The following DNAH12 variants were observed in gnomAD, a reference collection of about 807,000 sequenced individuals.
DNAH12 encodes the protein dynein axonemal heavy chain 12.
A neutral mutation model predicts 371.5 loss-of-function variants in DNAH12; 285 were observed. The observed-to-expected ratio is 0.77, with a 90% confidence interval of 0.70 to 0.85. The LOEUF is 0.85. DNAH12 is among the 40% of genes least tolerant of loss of function. DNAH12 has a pLI of 0.00. For missense variants in DNAH12, 3,611 were observed against 3,689.4 expected (o/e 0.98, Z 0.55); for synonymous variants, 1,200 against 1,213.0 (o/e 0.99, Z 0.22).
Position 57,508,536 on chromosome 3 carries a change from G to T in DNAH12, c.547C>A (p.Leu183Ile), listed in dbSNP as rs79825658. ...GAATGCCAAGGATTAGAATAATCTA[G>T]GCCTCTGGAAAAGCAAAACACCATA... ...GGPLPESPVGLDYSNPWHSSY... is the reference protein window; with the variant it reads ...GGPLPESPVGIDYSNPWHSSY... Residue 183 changes from leucine (L) to isoleucine (I), a missense_variant, in exon 7 of 74, where the codon CTA (leucine) becomes ATA (isoleucine). By Grantham distance (5) the Leu-to-Ile change is conservative (BLOSUM62 2). Coordinates refer to ENST00000495027, the MANE Select transcript of DNAH12 (RefSeq NM_001366028.2). 18,297 of 1,607,014 alleles carry T rather than the reference G, an allele frequency of 0.011. 762 individuals are homozygous for T. In the East Asian group the frequency reaches 0.14, roughly 12 times the overall value.
chr3:57,535,761 C>T (rs561798007), intron 2 of DNAH12, among the ~76,000 whole-genome samples: 4 of 151,892 alleles, frequency 2.6e-5, no homozygotes, highest in Admixed American at 6.6e-5. Context: ...AGGCTGGTCT[C>T]GAACTCCCAA....
At chr3:57,508,054 GT>G (rs982698732) in intron 7 of DNAH12, among the ~76,000 whole-genome samples, 2 of 151,820 alleles carry the variant, frequency 1.3e-5, no homozygotes, top group African/African-American at 4.8e-5. Context: ...GGGTGTGGTG[GT>G]GTATGCCTGT....
intron 29 of DNAH12, among the ~76,000 whole-genome samples, chr3:57,441,639 A>G (rs2065308870): frequency 6.6e-6 from 1 of 152,126 alleles, no homozygotes; most frequent in African/African-American, 2.4e-5. Context: ...GAAAAATAAA[A>G]TAATTAGTTG....
chr3:57,429,671 G>GTATTAAAT lies in DNAH12; in HGVS notation c.5064+12_5064+19dup. On this transcript the variant is annotated intron_variant, in intron 33 of 73. Coordinates refer to ENST00000495027, the MANE Select transcript of DNAH12 (RefSeq NM_001366028.2). ...ATGAAGAAATGAACAAACCACCATT[G>GTATTAAAT]TATTAAATTATGAACTTACGGATGC... The GTATTAAAT allele has an allele frequency of 6.6e-7, 1 of 1,515,960 alleles. No homozygotes were observed. The highest frequency in any genetic ancestry group is 1.3e-5 in the South Asian group (1 of 75,672). The allele number at this position is 1,515,960 out of a possible 1,614,324, so 93.9% of individuals were successfully genotyped here. A position where few individuals can be genotyped will look rare whatever the true frequency, so the allele number is the denominator to read the frequency against.
In DNAH12 at chr3:57,496,839, C is replaced by T. The variant is rs1473282527; in HGVS notation, c.1335+4482G>A. Among the ~76,000 whole-genome samples, 7 of 152,062 alleles carry T rather than the reference C, an allele frequency of 4.6e-5. No individual in the cohort carries two copies. The South Asian group carries it at 8.3e-4, about 18-fold the overall frequency. ...CAAAAATTAGTTGGGTGTGGTGGCA[C>T]GCTCCTGTAATCCCAGCTACTCAGG... is the stretch of plus-strand genomic sequence containing the variant. On this transcript the variant is annotated intron_variant, in intron 11 of 73. Transcript: ENST00000495027.
intron 37 of DNAH12, among the ~76,000 whole-genome samples, chr3:57,418,539 C>CAAA (rs779250987): frequency 5.0e-5 from 5 of 100,900 alleles, no homozygotes; most frequent in African/African-American, 1.4e-4. Flanking sequence ...GACCCTGTCT[C>CAAA]AAAAAAAAAA....
intron 43 of DNAH12, among the ~76,000 whole-genome samples, chr3:57,401,089 T>C (rs1448117079): frequency 2.6e-5 from 4 of 151,990 alleles, no homozygotes; most frequent in African/African-American, 9.7e-5. Context: ...TATATGAAAA[T>C]TAAACTGTTA....
At chr3:57,528,655 G>A (rs1267954169) in intron 2 of DNAH12, among the ~76,000 whole-genome samples, 1 of 150,642 alleles carries the variant, frequency 6.6e-6, no homozygotes, top group Non-Finnish European at 1.5e-5. Context: ...GAACCCGGGA[G>A]GCGGAGGTTG....
intron 69 of DNAH12, among the ~76,000 whole-genome samples, chr3:57,302,339 T>C (rs1267593227): frequency 6.6e-6 from 1 of 151,692 alleles, no homozygotes; most frequent in Non-Finnish European, 1.5e-5. Flanking sequence ...AAAACATAAA[T>C]TGTATATTCA....
chr3:57,400,711 T>C (rs2063838991), intron 43 of DNAH12, among the ~76,000 whole-genome samples: 1 of 152,242 alleles, frequency 6.6e-6, no homozygotes. Context: ...CACAGTTGAC[T>C]GTGGGTAACT....
intron 41 of DNAH12, 113 bp downstream of exon 41, chr3:57,405,540 G>T: frequency 8.3e-7 from 1 of 1,204,204 alleles, no homozygotes; most frequent in Non-Finnish European, 1.1e-6. Flanking sequence ...TATTTACAAG[G>T]AATGCTAAAA....
At chr3:57,553,894 G>T in the DNAH12 span, among the ~76,000 whole-genome samples, 1 of 149,604 alleles carries the variant, frequency 6.7e-6, no homozygotes, top group Non-Finnish European at 1.5e-5. Context: ...GCGCGATCTC[G>T]GCTCACTGCA....
At position 57,419,443 on chromosome 3, in the gene DNAH12, T is replaced by A. The variant is rs889220155; in HGVS notation, c.5638A>T (p.Ile1880Phe). 14 of 1,503,802 alleles carry A rather than the reference T, an allele frequency of 9.3e-6. No homozygotes were observed. Among genetic ancestry groups the A allele is most frequent in the Non-Finnish European group, 1.1e-5 (12 of 1,129,834 alleles). The allele number at this position is 1,503,802 out of a possible 1,614,324, so 93.2% of individuals were successfully genotyped here. The change falls in exon 37 of 74, where the codon ATT becomes TTT. Residue 1880 changes from isoleucine to phenylalanine, a missense_variant. This residue lies in a region of DNAH12 where 2,266 missense variants were observed against 2,236.9 expected (regional missense o/e 1.01). Coordinates refer to ENST00000495027, the MANE Select transcript of DNAH12 (RefSeq NM_001366028.2). ...NTNLGDKQIK[I>F]QDIIVPTMDT... ...ATCGTAGGGACTATGATATCTTGAA[T>A]CTTGATTTGTTTATCTCCTAAATTA... is the stretch of plus-strand genomic sequence containing the variant.
At chr3:57,414,025 G>T in intron 38 of DNAH12, 113 bp from the exon 39 acceptor site, 1 of 1,033,986 alleles carries the variant, frequency 9.7e-7, no homozygotes, top group Admixed American at 3.2e-5. Context: ...AGAATCCATG[G>T]GATTTTTACC....
At chr3:57,512,809 A>G (rs1035914845) in intron 4 of DNAH12, among the ~76,000 whole-genome samples, 4 of 152,118 alleles carry the variant, frequency 2.6e-5, no homozygotes, top group African/African-American at 9.7e-5. Context: ...CATGGAACCA[A>G]CCCAAATGCC....
intron 65 of DNAH12, among the ~76,000 whole-genome samples, chr3:57,317,257 T>C (rs901214344): frequency 6.6e-6 from 1 of 152,174 alleles, no homozygotes; most frequent in Non-Finnish European, 1.5e-5. Context: ...AAATCTACCA[T>C]CTTAAATTTT....
At chr3:57,375,574 A>C (rs2063265021) in intron 54 of DNAH12, 58 bp from the exon 55 acceptor site, 1 of 152,184 alleles carries the variant, frequency 6.6e-6, no homozygotes, top group East Asian at 1.9e-4. Flanking sequence ...AATATTTTTT[A>C]AATTAAAATA....
At chr3:57,410,915 T>C (rs2064181600) in intron 39 of DNAH12, among the ~76,000 whole-genome samples, 1 of 151,644 alleles carries the variant, frequency 6.6e-6, no homozygotes, top group South Asian at 2.1e-4. Flanking sequence ...ACAGCTAACA[T>C]CATACTTAAT....
rs1394303659 is a variant in DNAH12 at position 57,468,863 on chromosome 3, T to G, written c.2222A>C (p.Glu741Ala). 3 of 1,523,578 alleles carry G rather than the reference T, an allele frequency of 2.0e-6. No individual in the cohort carries two copies. Among genetic ancestry groups the G allele is most frequent in the Non-Finnish European group, 2.6e-6 (3 of 1,140,624 alleles). The allele number at this position is 1,523,578 out of a possible 1,614,324, so 94.4% of individuals were successfully genotyped here. A position where few individuals can be genotyped will look rare whatever the true frequency, so the allele number is the denominator to read the frequency against. Reference sequence around the variant, plus strand: ...TGCTGCCTTTCTTTTTTCTTGTAATTCTTTCTTTAGCTTCGTTTGGAAAAA... The same window carrying G: ...TGCTGCCTTTCTTTTTTCTTGTAATGCTTTCTTTAGCTTCGTTTGGAAAAA... Reference protein sequence around the residue: ...LKFFQTKLKKELQEKRKAARK... With the variant: ...LKFFQTKLKKALQEKRKAARK... Residue 741 changes from glutamate (E) to alanine (A), a missense_variant, in exon 17 of 74, where the codon GAA (glutamate) becomes GCA (alanine). Transcript: ENST00000495027.
Sources: gnomAD v4.1 joint callset for allele counts (sites outside exome capture counted in the v4.1 genomes callset) on GRCh38, gnomAD v4.1.1 for gene constraint, gnomAD v4.1.1 regional missense constraint, MANE v1.5 for transcripts, NCBI Gene and HGNC (gene_info 2026-07-23, HGNC 2026-07-21) for gene names.